The following SYK variants were observed in gnomAD, a reference collection of about 807,000 sequenced individuals.
SYK encodes the protein tyrosine-protein kinase SYK.
SYK carries 16 observed loss-of-function variants against 77.8 expected under a neutral mutation model. The observed-to-expected ratio is 0.21, with a 90% CI of 0.14 to 0.31. The LOEUF is 0.31. Among genes scored for constraint, SYK ranks in the 10% least tolerant of loss-of-function variants. SYK has a pLI of 1.00. For missense variants in SYK, 529 were observed against 814.4 expected (o/e 0.65, Z 4.26); for synonymous variants, 312 against 308.7 (o/e 1.01, Z -0.11).
chr9:90,894,269 C>T (rs542836423), intron 13 of SYK, among the ~76,000 whole-genome samples: 1 of 152,152 alleles, frequency 6.6e-6, no homozygotes, highest in African/African-American at 2.4e-5. Context: ...GCTCCTGTAC[C>T]AGAGGCTTGG....
intron 1 of SYK, among the ~76,000 whole-genome samples, chr9:90,842,216 TGTGCATAGTGTGCGTGTA>T (rs1826390476): frequency 6.7e-6 from 1 of 150,094 alleles, no homozygotes; most frequent in African/African-American, 2.5e-5. Flanking sequence ...GTGTGTGTGA[TGTGCATAGTGTGCGTGTA>T]GTGCATGGTG....
intron 4 of SYK, among the ~76,000 whole-genome samples, chr9:90,864,072 T>A (rs1383029374): frequency 6.6e-6 from 1 of 152,232 alleles, no homozygotes; most frequent in Non-Finnish European, 1.5e-5. Flanking sequence ...CATGATTTCA[T>A]TGATTTTTCT....
At chr9:90,808,443 AT>A (rs1263280874) in intron 1 of SYK, among the ~76,000 whole-genome samples, 1 of 140,676 alleles carries the variant, frequency 7.1e-6, no homozygotes. Context: ...TGTGCTGGGT[AT>A]TTCCACGTGT....
intron 1 of SYK, among the ~76,000 whole-genome samples, chr9:90,808,305 T>A (rs1407831958): frequency 5.3e-5 from 8 of 152,172 alleles, no homozygotes; most frequent in Non-Finnish European, 7.3e-5. Context: ...GGGATTTTTT[T>A]AAGTGATGTA....
chr9:90,818,518 A>G (rs1460521290), intron 1 of SYK, among the ~76,000 whole-genome samples: 1 of 152,208 alleles, frequency 6.6e-6, no homozygotes, highest in African/African-American at 2.4e-5. Context: ...GCTTCCCTGC[A>G]CTTGACTTGT....
intron 3 of SYK, among the ~76,000 whole-genome samples, chr9:90,852,736 A>G (rs1007805622): frequency 1.7e-4 from 26 of 152,270 alleles, no homozygotes; most frequent in Admixed American, 1.4e-3. Context: ...TACAGTTTCT[A>G]CCTTCTGACT....
chr9:90,823,222 G>A (rs1267889594), intron 1 of SYK, among the ~76,000 whole-genome samples: 1 of 152,194 alleles, frequency 6.6e-6, no homozygotes, highest in Non-Finnish European at 1.5e-5. Flanking sequence ...AATCCTAAAT[G>A]TGTATGTGCA....
intron 3 of SYK, among the ~76,000 whole-genome samples, chr9:90,852,053 G>A (rs1826843295): frequency 6.6e-6 from 1 of 152,076 alleles, no homozygotes; most frequent in African/African-American, 2.4e-5. Flanking sequence ...CCATGTCCTT[G>A]ACTTCACTGT....
At chr9:90,880,478 G>C (rs1221589845) in intron 11 of SYK, among the ~76,000 whole-genome samples, 2 of 152,228 alleles carry the variant, frequency 1.3e-5, no homozygotes, top group Non-Finnish European at 2.9e-5. Flanking sequence ...CAGGGAAACA[G>C]AGCAAGGAAG....
intron 7 of SYK, among the ~76,000 whole-genome samples, chr9:90,872,383 G>A (rs769103051): frequency 1.5e-4 from 23 of 152,202 alleles, no homozygotes; most frequent in African/African-American, 5.3e-4. Flanking sequence ...GAATGTGCCT[G>A]CCTGCAGGGA....
At chr9:90,834,143 A>G (rs1825987530) in intron 1 of SYK, among the ~76,000 whole-genome samples, 1 of 150,630 alleles carries the variant, frequency 6.6e-6, no homozygotes. Flanking sequence ...ACTTTCCACC[A>G]TCTTCAGGTG....
intron 1 of SYK, among the ~76,000 whole-genome samples, chr9:90,839,540 CA>C (rs1211469507): frequency 6.6e-6 from 1 of 152,112 alleles, no homozygotes; most frequent in Non-Finnish European, 1.5e-5. Context: ...CCATTCACTT[CA>C]ATATGGGATT....
At chr9:90,833,222 C>T (rs1397732636) in intron 1 of SYK, among the ~76,000 whole-genome samples, 1 of 152,214 alleles carries the variant, frequency 6.6e-6, no homozygotes, top group East Asian at 1.9e-4. Context: ...GATCACTGGG[C>T]ACCATCTTGG....
chr9:90,872,570 T>C (rs930587742), intron 7 of SYK, among the ~76,000 whole-genome samples: 8 of 152,260 alleles, frequency 5.3e-5, no homozygotes, highest in Non-Finnish European at 8.8e-5. Context: ...AGGATAATTA[T>C]ATTATAAATC....
intron 11 of SYK, among the ~76,000 whole-genome samples, chr9:90,882,248 T>C (rs1373405564): frequency 6.6e-6 from 1 of 152,270 alleles, no homozygotes; most frequent in African/African-American, 2.4e-5. Flanking sequence ...GTATTGTTCA[T>C]GACTTGTAAG....
At chr9:90,884,027 C>A (rs189043522) in intron 11 of SYK, among the ~76,000 whole-genome samples, 634 of 152,192 alleles carry the variant, frequency 4.2e-3, no homozygotes, top group Middle Eastern at 0.014. Context: ...TAACCATACC[C>A]TAAGGCACTG....
intron 3 of SYK, among the ~76,000 whole-genome samples, chr9:90,853,663 C>T (rs982928185): frequency 2.0e-5 from 3 of 151,942 alleles, no homozygotes; most frequent in Non-Finnish European, 2.9e-5. Context: ...TAGGTGGGAA[C>T]TGAACATTGA....
intron 1 of SYK, among the ~76,000 whole-genome samples, chr9:90,822,128 G>A (rs949230113): frequency 3.6e-4 from 55 of 152,132 alleles, no homozygotes; most frequent in Non-Finnish European, 1.5e-4. Flanking sequence ...TGTATAACCT[G>A]AAATAATGAG....
chr9:90,842,352 T>C (rs1284192947), intron 1 of SYK, among the ~76,000 whole-genome samples: 2 of 150,682 alleles, frequency 1.3e-5, no homozygotes, highest in Non-Finnish European at 3.0e-5. Context: ...ATGTGTGTGG[T>C]GTGTGGTGTA....
Sources: allele counts gnomAD v4.1 joint callset (sites outside exome capture counted in the v4.1 genomes callset), GRCh38; gene constraint gnomAD v4.1.1; transcripts MANE v1.5; gene names NCBI Gene and HGNC (gene_info 2026-07-23, HGNC 2026-07-21).